The following ITPR1 variants were observed in gnomAD, a reference collection of about 807,000 sequenced individuals.
The protein encoded by ITPR1 is inositol 1,4,5-trisphosphate receptor type 1.
In ITPR1, 96 loss-of-function variants were observed where a neutral mutation model predicts 318.4. The observed-to-expected ratio is 0.30, with a 90% CI of 0.26 to 0.36. The LOEUF (loss-of-function observed/expected upper bound fraction) is 0.36, where lower values mean the gene tolerates loss of function less well. Among genes scored for constraint, ITPR1 ranks in the 10% least tolerant of loss-of-function variants. The probability of loss-of-function intolerance (pLI) is 1.00; values close to 1 mark genes in which losing one functional copy is unlikely to be tolerated. For synonymous variants in ITPR1, 1,312 were observed against 1,289.9 expected, an observed-to-expected ratio of 1.02 and a Z score of -0.37; for missense variants, 2,440 against 3,460.2, an observed-to-expected ratio of 0.71 and a Z score of 7.40.
At chr3:4,661,178 G>C (rs1257764423) in intron 14 of ITPR1, 91 bp downstream of exon 14, 1 of 700,404 alleles carries the variant, frequency 1.4e-6, no homozygotes, top group Non-Finnish European at 2.5e-6. Flanking sequence ...ATGGAGCGTG[G>C]AGATTTGTTG....
intron 30 of ITPR1, among the ~76,000 whole-genome samples, chr3:4,687,767 C>A (rs1486200561): frequency 1.3e-5 from 2 of 152,134 alleles, no homozygotes; most frequent in Admixed American, 6.5e-5. Flanking sequence ...ATAATCCAAC[C>A]ACGTGAAATG....
At chr3:4,623,298 G>A (rs570370633) in intron 4 of ITPR1, among the ~76,000 whole-genome samples, 19 of 152,216 alleles carry the variant, frequency 1.2e-4, no homozygotes, top group African/African-American at 3.6e-4. Flanking sequence ...GCCCCTTAAC[G>A]CCTGCTTCAA....
At chr3:4,528,851 T>C (rs940046312) in intron 4 of ITPR1, among the ~76,000 whole-genome samples, 1 of 152,228 alleles carries the variant, frequency 6.6e-6, no homozygotes, top group Non-Finnish European at 1.5e-5. Context: ...AGATTAATAG[T>C]TTTTTGTAAT....
At chr3:4,811,151 G>A in intron 55 of ITPR1, 114 bp from the exon 56 acceptor site, 1 of 595,938 alleles carries the variant, frequency 1.7e-6, no homozygotes, top group South Asian at 2.9e-5. Flanking sequence ...ATCATATGTA[G>A]TGCTTTTGAG....
intron 4 of ITPR1, among the ~76,000 whole-genome samples, chr3:4,613,989 C>CAAT (rs2092279356): frequency 6.6e-6 from 1 of 152,170 alleles, no homozygotes; most frequent in Non-Finnish European, 1.5e-5. Flanking sequence ...ACAGAGATAA[C>CAAT]CACTGTTTTA....
At chr3:4,622,841 T>G (rs1168945551) in intron 4 of ITPR1, among the ~76,000 whole-genome samples, 2 of 152,216 alleles carry the variant, frequency 1.3e-5, no homozygotes, top group East Asian at 3.8e-4. Context: ...TTTAAATCAT[T>G]AATTCAACAC....
chr3:4,618,409 A>T (rs2092468382), intron 4 of ITPR1, among the ~76,000 whole-genome samples: 2 of 152,166 alleles, frequency 1.3e-5, no homozygotes, highest in South Asian at 4.1e-4. Flanking sequence ...ACTTACTGTT[A>T]TTGTTAGCTT....
chr3:4,720,126 G>T (rs997969274), intron 40 of ITPR1, among the ~76,000 whole-genome samples: 2 of 152,206 alleles, frequency 1.3e-5, no homozygotes, highest in Non-Finnish European at 2.9e-5. Context: ...TCATTTATAT[G>T]ACTAATATTT....
At chr3:4,577,180 A>C (rs2088769943) in intron 4 of ITPR1, among the ~76,000 whole-genome samples, 1 of 152,220 alleles carries the variant, frequency 6.6e-6, no homozygotes, top group Admixed American at 6.5e-5. Flanking sequence ...GGCCCTGGGC[A>C]CATGATGACA....
intron 44 of ITPR1, among the ~76,000 whole-genome samples, chr3:4,736,125 G>A (rs1347842988): frequency 6.9e-6 from 1 of 144,316 alleles, no homozygotes; most frequent in Non-Finnish European, 1.5e-5. Flanking sequence ...TTCCTTCTTT[G>A]TTAGCTCTCT....
At chr3:4,616,557 G>C (rs1055859475) in intron 4 of ITPR1, among the ~76,000 whole-genome samples, 20 of 152,064 alleles carry the variant, frequency 1.3e-4, no homozygotes, top group African/African-American at 4.8e-4. Context: ...ATCACCTATT[G>C]ATTTCATCTC....
intron 42 of ITPR1, among the ~76,000 whole-genome samples, chr3:4,727,459 T>C (rs538698089): frequency 1.3e-5 from 2 of 152,092 alleles, no homozygotes; most frequent in African/African-American, 4.8e-5. Flanking sequence ...AGGTGAAATA[T>C]AAAAGAAAAA....
intron 23 of ITPR1, among the ~76,000 whole-genome samples, chr3:4,675,973 A>G (rs1189761189): frequency 1.3e-5 from 2 of 152,180 alleles, no homozygotes; most frequent in Non-Finnish European, 2.9e-5. Context: ...CCTAAGGTCA[A>G]GCAGCATCAG....
At chr3:4,685,244 T>G (rs1190958857) in intron 30 of ITPR1, 38 bp downstream of exon 30, 6 of 1,563,824 alleles carry the variant, frequency 3.8e-6, no homozygotes, top group Non-Finnish European at 5.2e-6. Context: ...GCTCTCAGGA[T>G]GGGGCGGATC....
At chr3:4,598,561 G>A (rs2091030621) in intron 4 of ITPR1, among the ~76,000 whole-genome samples, 1 of 152,184 alleles carries the variant, frequency 6.6e-6, no homozygotes, top group East Asian at 1.9e-4. Context: ...GGTTGAGGTT[G>A]CAGTGAGCCA....
At chr3:4,694,973 CT>C (rs1398035429) in intron 33 of ITPR1, among the ~76,000 whole-genome samples, 7 of 152,176 alleles carry the variant, frequency 4.6e-5, no homozygotes, top group African/African-American at 1.7e-4. Context: ...TCCCCACCCC[CT>C]TTTTGTAAAT....
chr3:4,662,385 T>A, intron 15 of ITPR1, 143 bp downstream of exon 15: 1 of 615,148 alleles, frequency 1.6e-6, no homozygotes, highest in Non-Finnish European at 2.5e-6. Flanking sequence ...CTTCAATGTG[T>A]AACTTTTAAG....
intron 45 of ITPR1, 142 bp from the exon 46 acceptor site, chr3:4,768,369 A>G: frequency 2.1e-6 from 2 of 950,940 alleles, no homozygotes; most frequent in Admixed American, 5.9e-5. Flanking sequence ...CTGAGAGCAG[A>G]TTGTGACTTC....
At chr3:4,814,350 A>C in intron 57 of ITPR1, 73 bp from the exon 58 acceptor site, 1 of 1,496,480 alleles carries the variant, frequency 6.7e-7, no homozygotes, top group Admixed American at 1.7e-5. Flanking sequence ...GCATTCAGGA[A>C]ACAGGATTTC....
Sources: allele counts gnomAD v4.1 joint callset (sites outside exome capture counted in the v4.1 genomes callset), GRCh38; gene constraint gnomAD v4.1.1; transcripts MANE v1.5; gene names NCBI Gene and HGNC (gene_info 2026-07-23, HGNC 2026-07-21).